PPP2R2B: variants seen among roughly 807,000 people sequenced by gnomAD.
The protein encoded by PPP2R2B is serine/threonine-protein phosphatase 2A 55 kDa regulatory subunit B beta isoform.
Under a neutral mutation model 46.0 loss-of-function variants are expected in PPP2R2B, and 5 were observed. The observed-to-expected ratio is 0.11, with a 90% CI of 0.06 to 0.23. PPP2R2B has a LOEUF of 0.23. Among genes scored for constraint, PPP2R2B ranks in the 10% least tolerant of loss-of-function variants. The probability of loss-of-function intolerance (pLI) is 1.00; values close to 1 mark genes in which losing one functional copy is unlikely to be tolerated. For missense variants in PPP2R2B, 367 were observed against 575.0 expected (o/e 0.64, Z 3.70); for synonymous variants, 215 against 206.7 (o/e 1.04, Z -0.34).
At chr5:146,701,007 G>A in intron 3 of PPP2R2B, 38 bp downstream of exon 3, 2 of 1,532,716 alleles carry the variant, frequency 1.3e-6, no homozygotes, top group Non-Finnish European at 1.8e-6. Context: ...CCTTTAAAAA[G>A]TGAAGAAAAT....
intron 1 of PPP2R2B, among the ~76,000 whole-genome samples, chr5:146,995,052 G>A (rs1753863908): frequency 6.6e-6 from 1 of 152,176 alleles, no homozygotes; most frequent in African/African-American, 2.4e-5. Context: ...AGTCACCACT[G>A]TCTCACCTGT....
In PPP2R2B at chr5:146,905,661, A is replaced by G. The variant is rs1016708239; in HGVS notation, c.79+150004T>C. 3.2e-4 allele frequency among the ~76,000 whole-genome samples: 49 copies of G among 152,370 alleles called. 1 individual carries two copies. The highest frequency in any genetic ancestry group is 7.2e-4 in the Admixed American group (11 of 15,306). On this transcript the variant is annotated intron_variant, in intron 1 of 8. Transcript: ENST00000336640. Reference sequence around the variant, plus strand: ...TCTATACAATGTAATACTACTTAGCAATTAAAAGGAACTCACTCCTATTAA... The same window carrying G: ...TCTATACAATGTAATACTACTTAGCGATTAAAAGGAACTCACTCCTATTAA...
At chr5:146,705,863 C>G (rs970789326) in intron 2 of PPP2R2B, among the ~76,000 whole-genome samples, 2 of 151,136 alleles carry the variant, frequency 1.3e-5, no homozygotes, top group Admixed American at 1.3e-4. Flanking sequence ...AATAATCAGT[C>G]AATAAAACAG....
At chr5:146,910,169 T>C (rs1763130028) in intron 1 of PPP2R2B, among the ~76,000 whole-genome samples, 1 of 152,214 alleles carries the variant, frequency 6.6e-6, no homozygotes, top group African/African-American at 2.4e-5. Flanking sequence ...TAACATAAAA[T>C]TTAATCTTTC....
At chr5:146,660,874 G>T (rs960055995) in intron 5 of PPP2R2B, among the ~76,000 whole-genome samples, 6 of 152,198 alleles carry the variant, frequency 3.9e-5, no homozygotes, top group South Asian at 2.1e-4. Flanking sequence ...GAACAAAAGA[G>T]ATTAAGGGGT....
intron 1 of PPP2R2B, among the ~76,000 whole-genome samples, chr5:146,973,712 T>G (rs1340140046): frequency 6.6e-6 from 1 of 152,222 alleles, no homozygotes. Flanking sequence ...CATGGGCACA[T>G]TGACAACAGA....
At position 146,878,513 on chromosome 5, in the gene PPP2R2B, C is replaced by T; in HGVS notation, c.-125+78G>A. 1 of 1,287,974 alleles carries T rather than the reference C, an allele frequency of 7.8e-7. No homozygotes were observed. The highest frequency in any genetic ancestry group is 1.0e-6 in the Non-Finnish European group (1 of 1,004,714). The allele number at this position is 1,287,974 out of a possible 1,614,324, so 79.8% of individuals were successfully genotyped here. The stretch of plus-strand genomic sequence containing the variant: ...AAGATCCCTCCTCCCCCTGGGAGAG[C>T]GGGCAGCCGCGACAAAATGGTGCCT... On this transcript the variant is annotated intron_variant, in intron 1 of 9. Transcript: ENST00000394411. The surrounding 1 kb of genome is among the most constrained non-coding windows in gnomAD (Gnocchi z 4.5).
intron 1 of PPP2R2B, among the ~76,000 whole-genome samples, chr5:147,015,774 G>A (rs1393668522): frequency 6.7e-6 from 1 of 149,634 alleles, no homozygotes; most frequent in African/African-American, 2.4e-5. Context: ...ATAAAATAAT[G>A]TAATATACAT....
chr5:146,874,795 CT>C (rs1454226732), intron 2 of PPP2R2B, among the ~76,000 whole-genome samples: 33 of 151,890 alleles, frequency 2.2e-4, no homozygotes, highest in Non-Finnish European at 1.5e-5. Context: ...AGATGAATCC[CT>C]GGTTAGGAAA....
chr5:146,887,839 G>A (rs1172990985), intron 1 of PPP2R2B, among the ~76,000 whole-genome samples: 2 of 152,152 alleles, frequency 1.3e-5, no homozygotes, highest in African/African-American at 4.8e-5. Flanking sequence ...CAGTTTGTAG[G>A]CATCTAGTAG....
At chr5:146,677,368 A>G (rs1194461819) in intron 5 of PPP2R2B, among the ~76,000 whole-genome samples, 3 of 152,214 alleles carry the variant, frequency 2.0e-5, no homozygotes, top group African/African-American at 7.2e-5. Flanking sequence ...GTTTCTAAAT[A>G]CACAATGGGA....
At chr5:146,917,482 T>C (rs1189089578) in intron 1 of PPP2R2B, among the ~76,000 whole-genome samples, 5 of 152,244 alleles carry the variant, frequency 3.3e-5, no homozygotes, top group Non-Finnish European at 7.3e-5. Flanking sequence ...ATTCTGCTCA[T>C]TGGTGTCTAT....
At chr5:146,850,699 A>ACACTCC (rs1325694603) in intron 2 of PPP2R2B, among the ~76,000 whole-genome samples, 2 of 152,180 alleles carry the variant, frequency 1.3e-5, no homozygotes, top group African/African-American at 4.8e-5. Flanking sequence ...CTCTTATTAC[A>ACACTCC]CACTCTCAGA....
At chr5:146,974,732 C>T (rs1752820456) in intron 1 of PPP2R2B, among the ~76,000 whole-genome samples, 2 of 150,872 alleles carry the variant, frequency 1.3e-5, no homozygotes, top group Admixed American at 1.3e-4. Flanking sequence ...CTGTGTCACC[C>T]AGGCTGGAGT....
chr5:146,866,453 C>T (rs572261815), intron 2 of PPP2R2B, among the ~76,000 whole-genome samples: 5 of 152,234 alleles, frequency 3.3e-5, no homozygotes, highest in African/African-American at 1.2e-4. Flanking sequence ...AATCTATTTT[C>T]TCTTTCACTC....
intron 2 of PPP2R2B, among the ~76,000 whole-genome samples, chr5:146,710,669 G>A (rs1780166467): frequency 6.6e-6 from 1 of 152,204 alleles, no homozygotes; most frequent in African/African-American, 2.4e-5. Flanking sequence ...AAAAGCAGAG[G>A]AGTAATTAAC....
intron 2 of PPP2R2B, among the ~76,000 whole-genome samples, chr5:146,794,527 G>A (rs1037351298): frequency 2.6e-5 from 4 of 152,182 alleles, no homozygotes; most frequent in African/African-American, 9.7e-5. Context: ...AAAATGGGTT[G>A]CTATGAATGC....
At chr5:146,785,740 TGAG>T (rs993360834) in intron 2 of PPP2R2B, among the ~76,000 whole-genome samples, 3 of 152,176 alleles carry the variant, frequency 2.0e-5, no homozygotes, top group African/African-American at 4.8e-5. Context: ...TTTTCACAGT[TGAG>T]GAGTTAATAG....
intron 1 of PPP2R2B, among the ~76,000 whole-genome samples, chr5:146,948,160 T>G (rs969417597): frequency 1.3e-5 from 2 of 152,162 alleles, no homozygotes; most frequent in South Asian, 2.1e-4. Context: ...GTCTCTCCCA[T>G]GAGGCTTTAA....
Sources: gnomAD v4.1 joint callset for allele counts (sites outside exome capture counted in the v4.1 genomes callset) on GRCh38, gnomAD v4.1.1 for gene constraint, Gnocchi (gnomAD v3.1) non-coding constraint, MANE v1.5 for transcripts, NCBI Gene and HGNC (gene_info 2026-07-23, HGNC 2026-07-21) for gene names.